Variants in STAG1 observed in about 807,000 individuals in gnomAD.
STAG1 encodes the protein cohesin subunit SA-1.
A neutral mutation model predicts 170.9 loss-of-function variants in STAG1; 26 were observed. The observed-to-expected ratio is 0.15, with a 90% CI of 0.11 to 0.21. The LOEUF is 0.21. Ranked by LOEUF, STAG1 falls within the 10% of genes least tolerant of loss-of-function variation. The pLI, the probability that STAG1 is intolerant of heterozygous loss-of-function variation, is 1.00. For missense variants in STAG1, 964 were observed against 1,509.5 expected (o/e 0.64, Z 5.99); for synonymous variants, 514 against 497.7 (o/e 1.03, Z -0.44).
At chr3:136,650,358 A>C (rs543533355) in intron 1 of STAG1, among the ~76,000 whole-genome samples, 2 of 152,220 alleles carry the variant, frequency 1.3e-5, no homozygotes, top group Non-Finnish European at 2.9e-5. Flanking sequence ...AAATATGAAG[A>C]AAATAGTCAT....
intron 7 of STAG1, chr3:136,518,203 G>A: frequency 2.3e-6 from 1 of 428,782 alleles, no homozygotes; most frequent in Non-Finnish European, 4.1e-6. Context: ...GATGACTTAT[G>A]AAGCTCTGGA....
chr3:136,388,274 A>G (rs927394803), intron 22 of STAG1, among the ~76,000 whole-genome samples: 35 of 152,216 alleles, frequency 2.3e-4, no homozygotes, highest in Non-Finnish European at 4.1e-4. Flanking sequence ...GGTGGTAAGA[A>G]GTGGAGTAAA....
intron 1 of STAG1, among the ~76,000 whole-genome samples, chr3:136,728,553 G>A (rs113130482): frequency 1.2e-3 from 176 of 152,218 alleles, no homozygotes; most frequent in African/African-American, 2.4e-3. Context: ...GGCTATTGTA[G>A]GGATTACATG....
intron 6 of STAG1, among the ~76,000 whole-genome samples, chr3:136,523,814 G>A (rs891847004): frequency 1.3e-5 from 2 of 152,098 alleles, no homozygotes; most frequent in South Asian, 4.1e-4. Context: ...TCTACATGTG[G>A]CTAGCCAGTT....
chr3:136,638,130 CTT>C (rs34896224), intron 1 of STAG1, among the ~76,000 whole-genome samples: 8 of 142,324 alleles, frequency 5.6e-5, no homozygotes, highest in Non-Finnish European at 6.2e-5. Context: ...GCTGCATTTT[CTT>C]TTTTTTTTTT....
intron 2 of STAG1, among the ~76,000 whole-genome samples, chr3:136,630,634 T>C (rs903471151): frequency 6.6e-6 from 1 of 152,232 alleles, no homozygotes; most frequent in Non-Finnish European, 1.5e-5. Context: ...ACTCCTGATA[T>C]AGGACATTAA....
At chr3:136,379,832 A>G (rs1326829131) in intron 22 of STAG1, among the ~76,000 whole-genome samples, 1 of 152,358 alleles carries the variant, frequency 6.6e-6, no homozygotes, top group East Asian at 1.9e-4. Flanking sequence ...TTGCATTTAC[A>G]TAGAAGACCA....
At chr3:136,711,475 C>A (rs990449759) in intron 1 of STAG1, among the ~76,000 whole-genome samples, 7 of 151,662 alleles carry the variant, frequency 4.6e-5, no homozygotes, top group African/African-American at 1.7e-4. Flanking sequence ...ACAGGAGGAT[C>A]GTATAAGCCC....
chr3:136,601,213 C>A (rs560457249), intron 4 of STAG1, among the ~76,000 whole-genome samples: 1 of 151,972 alleles, frequency 6.6e-6, no homozygotes, highest in South Asian at 2.1e-4. Flanking sequence ...CAAATAAAAT[C>A]TAGTTAAATA....
At chr3:136,364,557 A>G (rs891050334) in intron 25 of STAG1, among the ~76,000 whole-genome samples, 1 of 152,328 alleles carries the variant, frequency 6.6e-6, no homozygotes, top group Non-Finnish European at 1.5e-5. Context: ...TTAACTCTTC[A>G]TTTAATACTT....
intron 1 of STAG1, among the ~76,000 whole-genome samples, chr3:136,646,023 A>T (rs936694367): frequency 2.6e-5 from 4 of 152,130 alleles, no homozygotes; most frequent in African/African-American, 9.7e-5. Flanking sequence ...CGACACTTTA[A>T]CCAATATGAC....
At chr3:136,525,266 T>A (rs1934945208) in intron 6 of STAG1, among the ~76,000 whole-genome samples, 1 of 152,248 alleles carries the variant, frequency 6.6e-6, no homozygotes, top group Non-Finnish European at 1.5e-5. Context: ...AGTGTCTCAA[T>A]TTCAGAACCT....
At chr3:136,653,652 G>T (rs898388024) in intron 1 of STAG1, among the ~76,000 whole-genome samples, 1 of 152,164 alleles carries the variant, frequency 6.6e-6, no homozygotes, top group Non-Finnish European at 1.5e-5. Flanking sequence ...GCCCACAGTA[G>T]CACAGTTACT....
In STAG1 at chr3:136,441,220, A is replaced by T. The variant is rs142876534; in HGVS notation, c.1546+2067T>A. 1.7e-3 allele frequency among the ~76,000 whole-genome samples: 261 copies of T among 151,992 alleles called. 4 individuals are homozygous for T. In the East Asian group the frequency reaches 0.047, roughly 28 times the overall value. On this transcript the variant is annotated intron_variant, in intron 15 of 33. Transcript: ENST00000383202. ...GCTAATTTTTGTATTTTTAGTAGAG[A>T]CGGGGTTTTGCCATATTGGCGAGGC...
At chr3:136,539,133 CAAA>C (rs79616026) in intron 6 of STAG1, among the ~76,000 whole-genome samples, 1 of 102,786 alleles carries the variant, frequency 9.7e-6, no homozygotes, top group Non-Finnish European at 2.0e-5. Flanking sequence ...GACTCCGTCT[CAAA>C]AAAAAAAAAA....
At chr3:136,602,754 G>A (rs997297925) in intron 4 of STAG1, among the ~76,000 whole-genome samples, 35 of 152,034 alleles carry the variant, frequency 2.3e-4, no homozygotes, top group Admixed American at 2.0e-3. Flanking sequence ...AGGAGGCTGA[G>A]GCACAAGAAT....
rs2089777888 is a variant in STAG1 at position 136,477,307 on chromosome 3, G to A, written c.1008C>T (p.Gly336=). The change falls in exon 10 of 34, where the codon GGC becomes GGT. Residue 336 remains glycine (G), a synonymous_variant. Transcript: ENST00000383202. ...AACTTACCCTGTCATGAAGAGTCCA[G>A]CCAACATATTTTAGGTAACTGTCAT... ...FLNDSYLKYV[G]WTLHDRQGEV... 1 of 1,612,820 alleles carries A rather than the reference G, an allele frequency of 6.2e-7. No homozygotes were observed. The highest frequency in any genetic ancestry group is 8.5e-7 in the Non-Finnish European group (1 of 1,179,528).
At chr3:136,441,418 T>C (rs980540914) in intron 15 of STAG1, among the ~76,000 whole-genome samples, 4 of 152,186 alleles carry the variant, frequency 2.6e-5, no homozygotes, top group East Asian at 1.9e-4. Flanking sequence ...GAGGCAAATA[T>C]AGCATAATAA....
intron 5 of STAG1, among the ~76,000 whole-genome samples, chr3:136,568,359 A>C (rs564971713): frequency 6.6e-6 from 1 of 152,332 alleles, no homozygotes; most frequent in Admixed American, 6.5e-5. Flanking sequence ...AAAAGTATTT[A>C]AACTTAACTA....
Sources: gnomAD v4.1 joint callset for allele counts (sites outside exome capture counted in the v4.1 genomes callset) on GRCh38, gnomAD v4.1.1 for gene constraint, MANE v1.5 for transcripts, NCBI Gene and HGNC (gene_info 2026-07-23, HGNC 2026-07-21) for gene names.